Variants in USO1 observed in about 807,000 individuals in gnomAD.
The protein encoded by USO1 is general vesicular transport factor p115.
USO1 carries 57 observed loss-of-function variants against 124.5 expected under a neutral mutation model. The observed-to-expected ratio is 0.46, with a 90% CI of 0.37 to 0.57. USO1 has a LOEUF of 0.57. USO1 is among the 20% of genes least tolerant of loss of function. The pLI, the probability that USO1 is intolerant of heterozygous loss-of-function variation, is 0.00. For synonymous variants in USO1, 369 were observed against 362.8 expected, an observed-to-expected ratio of 1.02 and a Z score of -0.19; for missense variants, 900 against 1,040.6, an observed-to-expected ratio of 0.86 and a Z score of 1.86.
At chr4:75,751,316 A>G (rs1721292621) in intron 1 of USO1, among the ~76,000 whole-genome samples, 1 of 150,582 alleles carries the variant, frequency 6.6e-6, no homozygotes, top group African/African-American at 2.4e-5. Context: ...GGTTCAAGCA[A>G]TTCTTCTGCC....
rs977604648 is a variant in USO1 at position 75,794,086 on chromosome 4, C to T, written c.1452+185C>T. Among the ~76,000 whole-genome samples the T allele has an allele frequency of 2.6e-5, 4 of 152,138 alleles. No homozygotes were observed. In the South Asian group the frequency reaches 8.3e-4, roughly 32 times the overall value. ...AAATACTCTTAGAGGAATAGTTTTG[C>T]TAAATAGTTATAAGGTCTGCATCAT... On this transcript the variant is annotated intron_variant, in intron 13 of 23. Coordinates refer to ENST00000514213, the MANE Select transcript of USO1 (RefSeq NM_003715.4).
At chr4:75,801,725 T>G (rs943441543) in intron 17 of USO1, among the ~76,000 whole-genome samples, 1 of 152,216 alleles carries the variant, frequency 6.6e-6, no homozygotes, top group East Asian at 1.9e-4. Flanking sequence ...GTGCACAGTT[T>G]ATGGCAGGTG....
At chr4:75,788,428 G>T (rs531470432) in intron 10 of USO1, among the ~76,000 whole-genome samples, 1 of 151,648 alleles carries the variant, frequency 6.6e-6, no homozygotes, top group African/African-American at 2.4e-5. Flanking sequence ...TTGGCCTCCC[G>T]AAATGTTGGA....
chr4:75,791,119 G>T (rs1431164402), intron 12 of USO1, among the ~76,000 whole-genome samples: 7 of 152,180 alleles, frequency 4.6e-5, no homozygotes, highest in Admixed American at 4.6e-4. Context: ...TAGGAACATT[G>T]TGAGGATTAA....
rs1036101995 is a variant in USO1 at position 75,749,099 on chromosome 4, C to T, written c.67-3274C>T. On this transcript the variant is annotated intron_variant, in intron 1 of 23. Transcript: ENST00000514213. ...AATAAAGAAAGAATGTAAAGCTAGG[C>T]TTGGTTATCCTGCTATATCTGCTAT... is the stretch of plus-strand genomic sequence containing the variant. 1.3e-4 allele frequency among the ~76,000 whole-genome samples: 20 copies of T among 152,118 alleles called. No homozygotes were observed. The Middle Eastern group carries it at 0.01, about 78-fold the overall frequency.
chr4:75,744,847 T>G, intron 1 of USO1: 1 of 453,918 alleles, frequency 2.2e-6, no homozygotes, highest in South Asian at 1.6e-5. Context: ...ACTTCCGATG[T>G]GTTTTGTTTT....
intron 20 of USO1, among the ~76,000 whole-genome samples, chr4:75,806,822 T>G (rs1041273466): frequency 2.0e-5 from 3 of 152,160 alleles, no homozygotes; most frequent in African/African-American, 7.2e-5. Flanking sequence ...ATTTATAGAT[T>G]ATCAGTGAAC....
chr4:75,748,615 T>C (rs1721204659), intron 1 of USO1, among the ~76,000 whole-genome samples: 1 of 152,212 alleles, frequency 6.6e-6, no homozygotes, highest in Non-Finnish European at 1.5e-5. Flanking sequence ...CAAGTAGCTC[T>C]ATACACCAAC....
chr4:75,750,608 C>T (rs973515231), intron 1 of USO1, among the ~76,000 whole-genome samples: 1 of 151,950 alleles, frequency 6.6e-6, no homozygotes, highest in Non-Finnish European at 1.5e-5. Context: ...CTCAGCTTCC[C>T]GAGTAGCTGG....
intron 17 of USO1, among the ~76,000 whole-genome samples, chr4:75,803,234 A>G (rs1403919735): frequency 1.3e-5 from 2 of 152,124 alleles, no homozygotes; most frequent in Admixed American, 1.3e-4. Context: ...CTATGTAGCA[A>G]TATGGGGAAA....
At chr4:75,736,652 TAC>T (rs1173771170) in intron 1 of USO1, among the ~76,000 whole-genome samples, 1 of 152,204 alleles carries the variant, frequency 6.6e-6, no homozygotes, top group Non-Finnish European at 1.5e-5. Context: ...TGTTAAAACA[TAC>T]AGAGGTACTT....
In USO1 at chr4:75,724,806, G is replaced by A. The variant is rs1357021574; in HGVS notation, c.-14G>A. The A allele has an allele frequency of 6.2e-7, 1 of 1,613,754 alleles. No homozygotes were observed. Among genetic ancestry groups the A allele is most frequent in the Non-Finnish European group, 8.5e-7 (1 of 1,179,870 alleles). On this transcript the variant is annotated 5_prime_UTR_variant, in exon 1 of 24. Coordinates refer to ENST00000514213, the MANE Select transcript of USO1 (RefSeq NM_003715.4). ...TTCCGGAGGGGCCGGTAAACCTGGTGGCTGAACGGCAAGATGAATTTCCTC... is the reference window on the plus strand; with the variant it reads ...TTCCGGAGGGGCCGGTAAACCTGGTAGCTGAACGGCAAGATGAATTTCCTC...
intron 1 of USO1, among the ~76,000 whole-genome samples, chr4:75,751,257 G>T (rs1343044826): frequency 6.7e-6 from 1 of 150,066 alleles, no homozygotes; most frequent in Non-Finnish European, 1.5e-5. Context: ...TGTCACTCAG[G>T]CTGGAGTGCA....
intron 1 of USO1, among the ~76,000 whole-genome samples, chr4:75,748,782 A>G (rs1219634992): frequency 6.6e-6 from 1 of 152,262 alleles, no homozygotes; most frequent in East Asian, 1.9e-4. Context: ...TCATAGTATC[A>G]ACTATAAGCT....
intron 8 of USO1, among the ~76,000 whole-genome samples, chr4:75,776,846 A>G (rs1722085200): frequency 6.6e-6 from 1 of 152,186 alleles, no homozygotes; most frequent in African/African-American, 2.4e-5. Context: ...TGGTTAAATC[A>G]GGAATTCTTG....
In USO1 at chr4:75,811,416, C is replaced by G. The variant is rs188080472; in HGVS notation, c.2584-744C>G. Reference sequence around the variant, plus strand: ...GGTGATCTGCCCGCATTGGCCCCCCCCAAAGTGCTGGGATTACAGGCGTGA... The same window carrying G: ...GGTGATCTGCCCGCATTGGCCCCCCGCAAAGTGCTGGGATTACAGGCGTGA... On this transcript the variant is annotated intron_variant, in intron 22 of 23. Coordinates refer to ENST00000514213, the MANE Select transcript of USO1 (RefSeq NM_003715.4). Among the ~76,000 whole-genome samples the G allele has an allele frequency of 6.7e-3, 1,014 of 152,288 alleles. 5 individuals carry two copies. The highest frequency in any genetic ancestry group is 0.011 in the Non-Finnish European group (741 of 68,012).
chr4:75,799,037 C>T (rs1389544388), intron 13 of USO1, among the ~76,000 whole-genome samples: 1 of 151,964 alleles, frequency 6.6e-6, no homozygotes. Flanking sequence ...TTAAATCTTC[C>T]TCTTGATTAT....
intron 12 of USO1, 23 bp downstream of exon 12, chr4:75,790,820 T>C: frequency 2.0e-6 from 3 of 1,532,156 alleles, no homozygotes; most frequent in Non-Finnish European, 2.6e-6. Context: ...GTTCTAATTT[T>C]TATTTGAAAA....
chr4:75,738,941 T>C (rs953585783), intron 1 of USO1, among the ~76,000 whole-genome samples: 1 of 151,884 alleles, frequency 6.6e-6, no homozygotes, highest in African/African-American at 2.4e-5. Flanking sequence ...CAACCTCCAC[T>C]TCCCGGGTTC....
Sources: gnomAD v4.1 joint callset for allele counts (sites outside exome capture counted in the v4.1 genomes callset) on GRCh38, gnomAD v4.1.1 for gene constraint, MANE v1.5 for transcripts, NCBI Gene and HGNC (gene_info 2026-07-23, HGNC 2026-07-21) for gene names.